Variants in CACNA1C observed in about 807,000 individuals in gnomAD.
CACNA1C encodes calcium voltage-gated channel subunit alpha1 C.
In CACNA1C, 30 loss-of-function variants were observed where a neutral mutation model predicts 229.0. That is an observed-to-expected ratio of 0.13 (90% confidence interval 0.10 to 0.18). The LOEUF (loss-of-function observed/expected upper bound fraction) is 0.18, where lower values mean the gene tolerates loss of function less well. Among genes scored for constraint, CACNA1C ranks in the 10% least tolerant of loss-of-function variants. The pLI is 1.00. For synonymous variants in CACNA1C, 1,114 were observed against 1,132.5 expected, an observed-to-expected ratio of 0.98 and a Z score of 0.33; for missense variants, 1,658 against 2,845.0, an observed-to-expected ratio of 0.58 and a Z score of 9.49.
At chr12:2,682,460 A>T (rs2097196699) in intron 42 of CACNA1C, 90 bp from the exon 43 acceptor site, 1 of 1,473,740 alleles carries the variant, frequency 6.8e-7, no homozygotes, top group Non-Finnish European at 9.2e-7. Context: ...GTACACCTGC[A>T]TGTGTGTGCG....
intron 26 of CACNA1C, 91 bp downstream of exon 26, chr12:2,607,221 C>T (rs2075768928): frequency 3.7e-6 from 5 of 1,364,800 alleles, no homozygotes; most frequent in African/African-American, 1.4e-5. Context: ...TAATGTCCCG[C>T]ACTCCCTCTG....
At position 2,566,563 on chromosome 12, in the gene CACNA1C, C is replaced by A. The variant is rs748309509; in HGVS notation, c.1650C>A (p.Asn550Lys). The A allele has an allele frequency of 1.3e-6, 2 of 1,598,882 alleles. No homozygotes were observed. Among genetic ancestry groups the A allele is most frequent in the African/African-American group, 1.3e-5 (1 of 74,654 alleles). The change falls in exon 12 of 47, where the codon AAC (asparagine) becomes AAA (lysine). Residue 550 changes from asparagine to lysine, a missense_variant. Around this residue, in one of 20 missense-constraint regions of CACNA1C, gnomAD observed 149 missense variants for 194.2 expected, o/e 0.77. Coordinates refer to ENST00000399655, the MANE Select transcript of CACNA1C (RefSeq NM_000719.7). This position sits in a 1 kb window ranked among gnomAD's most constrained non-coding sequence, Gnocchi z 4.0. ...TIASEHYNQP[N>K]WLTEVQDTAN... ...CCTCTGAGCACTACAACCAGCCCAA[C>A]TGGCTCACAGAAGTCCAAGGTGAGC...
At chr12:2,004,660 A>G in intron 1 of CACNA1C, 1 of 574,434 alleles carries the variant, frequency 1.7e-6, no homozygotes, top group Non-Finnish European at 3.0e-6. Context: ...CGACAAGCCC[A>G]GGCCTGCCCT....
At position 2,597,176 on chromosome 12, in the gene CACNA1C, C is replaced by A; in HGVS notation, c.2794-54C>A. ...ACATCCACTGACCTCTCTTCCCGTC[C>A]TGCTTTTCTCCCTTCCCCATCCCAT... On this transcript the variant is annotated intron_variant, in intron 20 of 46. Coordinates refer to ENST00000399655, the MANE Select transcript of CACNA1C (RefSeq NM_000719.7). The surrounding 1 kb of genome is among the most constrained non-coding windows in gnomAD (Gnocchi z 4.3). 8.5e-7 allele frequency: 1 copy of A among 1,175,948 alleles called. No homozygotes were observed. The highest frequency in any genetic ancestry group is 1.3e-6 in the Non-Finnish European group (1 of 787,680). The allele number at this position is 1,175,948 out of a possible 1,614,324, so 72.8% of individuals were successfully genotyped here.
At position 2,178,553 on chromosome 12, in the gene CACNA1C, G is replaced by A. The variant is rs113360576; in HGVS notation, c.477+58123G>A. Among the ~76,000 whole-genome samples, 967 of 152,330 alleles carry A rather than the reference G, an allele frequency of 6.3e-3. 10 individuals are homozygous for A. The highest frequency in any genetic ancestry group is 0.035 in the South Asian group (167 of 4,816). ...GGAGAGCTGGTCGCTAAGACCTGGA[G>A]TCTGGGCCCCTTGTGGGGGTGTCAC... is the stretch of plus-strand genomic sequence containing the variant. On this transcript the variant is annotated intron_variant, in intron 3 of 46. Transcript: ENST00000399655.
chr12:2,605,636 T>C lies in CACNA1C; in HGVS notation c.3049-43T>C. The C allele has an allele frequency of 2.1e-6, 3 of 1,447,354 alleles. No individual in the cohort carries two copies. Among genetic ancestry groups the C allele is most frequent in the Non-Finnish European group, 2.9e-6 (3 of 1,028,802 alleles). 89.7% of individuals were successfully genotyped at this position (1,447,354 alleles called of 1,614,324 possible). On this transcript the variant is annotated intron_variant, in intron 23 of 46. Transcript: ENST00000399655. This position sits in a 1 kb window ranked among gnomAD's most constrained non-coding sequence, Gnocchi z 6.2. ...CTACCTCCTGGAAAGGCTCCTGGCA[T>C]CTCCTGAAGCCACGTCCCTCTCCCC...
chr12:2,581,931 G>A (rs568004885), intron 14 of CACNA1C, 134 bp downstream of exon 14: 62 of 569,492 alleles, frequency 1.1e-4, no homozygotes, highest in South Asian at 8.7e-4. Flanking sequence ...GCCCATGCCC[G>A]GGAGAGTCTT....
At chr12:2,578,090 G>A (rs184330227) in intron 13 of CACNA1C, among the ~76,000 whole-genome samples, 52 of 151,972 alleles carry the variant, frequency 3.4e-4, no homozygotes, top group African/African-American at 5.1e-4. Flanking sequence ...GGATGGTCTC[G>A]ATCTCCTGAC....
Position 2,463,068 on chromosome 12 carries a change from A to T in CACNA1C, c.757+5362A>T, listed in dbSNP as rs374837116. On this transcript the variant is annotated intron_variant, in intron 5 of 46. Transcript: ENST00000399655. ...GCTGGGACTATAGGCACCCGCCACC[A>T]CGCCCGGCTAATTTTTGTATTTTTA... Among the ~76,000 whole-genome samples the T allele has an allele frequency of 2.9e-5, 4 of 137,926 alleles. No individual in the cohort carries two copies. In the East Asian group the frequency reaches 6.5e-4, roughly 22 times the overall value. The allele number at this position is 137,926 out of a possible 152,430, so 90.5% of individuals were successfully genotyped here.
In CACNA1C at chr12:2,667,264, C is replaced by CT. The variant is rs1394479459; in HGVS notation, c.4623+482_4623+483insT. 1.8e-4 allele frequency among the ~76,000 whole-genome samples: 27 copies of CT among 152,192 alleles called. 1 individual carries two copies. The highest frequency in any genetic ancestry group is 6.0e-4 in the African/African-American group (25 of 41,544). ...AAAGTGTCGTTTCCTTTTCTCCCTC[C>CT]CCTCCACCATGGCCACTCCACGCTC... On this transcript the variant is annotated intron_variant, in intron 37 of 46. Transcript: ENST00000399655.
intron 1 of CACNA1C, among the ~76,000 whole-genome samples, chr12:2,025,746 C>G (rs949510373): frequency 1.3e-5 from 2 of 152,214 alleles, no homozygotes; most frequent in Non-Finnish European, 2.9e-5. Flanking sequence ...ATTTCTTTCA[C>G]TGGCCGAGCA....
At chr12:2,604,617 T>A (rs1339649435) in intron 22 of CACNA1C, among the ~76,000 whole-genome samples, 1 of 152,206 alleles carries the variant, frequency 6.6e-6, no homozygotes, top group African/African-American at 2.4e-5. Flanking sequence ...TACATAGAAT[T>A]CTTATTTAAC....
At chr12:2,460,224 C>T (rs1366556289) in intron 5 of CACNA1C, among the ~76,000 whole-genome samples, 2 of 152,234 alleles carry the variant, frequency 1.3e-5, no homozygotes, top group Non-Finnish European at 2.9e-5. Context: ...ACCGCACTAG[C>T]AACTTAAGGC....
chr12:2,340,399 C>A (rs934619114), intron 3 of CACNA1C, among the ~76,000 whole-genome samples: 1 of 152,192 alleles, frequency 6.6e-6, no homozygotes, highest in African/African-American at 2.4e-5. Context: ...ACAGGCTGAG[C>A]ATTATCTTTA....
Position 2,674,637 on chromosome 12 carries a change from C to A in CACNA1C, c.4823C>A (p.Ala1608Glu). 1 of 1,562,858 alleles carries A rather than the reference C, an allele frequency of 6.4e-7. No individual in the cohort carries two copies. The highest frequency in any genetic ancestry group is 8.7e-7 in the Non-Finnish European group (1 of 1,153,496). Residue 1608 changes from alanine (A) to glutamate (E), a missense_variant, in exon 39 of 47, where the codon GCA (alanine) becomes GAA (glutamate). Ala to Glu is a moderately radical substitution (Grantham distance 107, BLOSUM62 -1). Coordinates refer to ENST00000399655, the MANE Select transcript of CACNA1C (RefSeq NM_000719.7). ...CTGCTGGACCAGGTGGTGCCCCCTG[C>A]AGGTGGTGAGTGCTCCCTGGACTCC... ...MKLLDQVVPPAGDDEVTVGKF... is the reference protein window; with the variant it reads ...MKLLDQVVPPEGDDEVTVGKF...
chr12:2,415,392 G>A (rs556263725), intron 3 of CACNA1C, among the ~76,000 whole-genome samples: 31 of 152,244 alleles, frequency 2.0e-4, no homozygotes, highest in African/African-American at 6.7e-4. Flanking sequence ...CGTGGAGGCC[G>A]CGCAGCGCCC....
intron 3 of CACNA1C, among the ~76,000 whole-genome samples, chr12:2,313,680 A>T (rs1431114271): frequency 6.6e-6 from 1 of 152,136 alleles, no homozygotes; most frequent in Non-Finnish European, 1.5e-5. Flanking sequence ...ATGTGGACAC[A>T]TGCTGGTTCC....
At chr12:1,995,572 T>C (rs2040599102) in intron 1 of CACNA1C, among the ~76,000 whole-genome samples, 1 of 152,218 alleles carries the variant, frequency 6.6e-6, no homozygotes, top group Non-Finnish European at 1.5e-5. Context: ...TTGCCTCCCA[T>C]TCCTTCCTTC....
At chr12:2,100,900 C>G (rs1343159692) in intron 1 of CACNA1C, among the ~76,000 whole-genome samples, 1 of 150,988 alleles carries the variant, frequency 6.6e-6, no homozygotes, top group Non-Finnish European at 1.5e-5. Context: ...AAACAAAAAT[C>G]TGAGGTAGGA....
Sources: gnomAD v4.1 joint callset for allele counts (sites outside exome capture counted in the v4.1 genomes callset) on GRCh38, gnomAD v4.1.1 for gene constraint, gnomAD v4.1.1 regional missense constraint, Gnocchi (gnomAD v3.1) non-coding constraint, MANE v1.5 for transcripts, NCBI Gene and HGNC (gene_info 2026-07-23, HGNC 2026-07-21) for gene names.